Variants in XPO1 observed in about 807,000 individuals in gnomAD.
XPO1 encodes exportin-1.
In XPO1, 5 loss-of-function variants were observed where a neutral mutation model predicts 133.3. That is an observed-to-expected ratio of 0.04 (90% CI 0.02 to 0.08). The LOEUF is 0.08. XPO1 is among the 10% of genes least tolerant of loss of function. XPO1 has a pLI of 1.00. For synonymous variants in XPO1, 419 were observed against 408.2 expected (o/e 1.03, Z -0.32); for missense variants, 506 against 1,267.5 (o/e 0.40, Z 9.12).
chr2:61,525,466 T>C, intron 3 of XPO1: 2 of 1,006,718 alleles, frequency 2.0e-6, no homozygotes, highest in Non-Finnish European at 2.4e-6. Context: ...TCATTTGTAA[T>C]TTATGTAAAT....
intron 2 of XPO1, among the ~76,000 whole-genome samples, chr2:61,529,463 C>A (rs971267441): frequency 2.0e-4 from 30 of 152,124 alleles, no homozygotes; most frequent in Admixed American, 6.5e-4. Flanking sequence ...CAAGACCAGC[C>A]TGGCCAACAT....
chr2:61,498,128 G>A (rs907159890), intron 9 of XPO1, among the ~76,000 whole-genome samples: 3 of 152,078 alleles, frequency 2.0e-5, no homozygotes, highest in South Asian at 2.1e-4. Context: ...ACAGGGTCTC[G>A]CTCTGTTGCC....
chr2:61,491,258 G>T (rs1696968083), intron 16 of XPO1, among the ~76,000 whole-genome samples: 3 of 151,678 alleles, frequency 2.0e-5, no homozygotes, highest in African/African-American at 7.3e-5. Flanking sequence ...GTCAGGAGTT[G>T]GAGATGAGCC....
intron 24 of XPO1, among the ~76,000 whole-genome samples, 175 bp from the exon 25 acceptor site, chr2:61,479,141 A>T (rs1043906160): frequency 6.6e-6 from 1 of 152,134 alleles, no homozygotes; most frequent in African/African-American, 2.4e-5. Flanking sequence ...AATGAACTGC[A>T]AACCTGTTAA....
intron 2 of XPO1, among the ~76,000 whole-genome samples, chr2:61,526,788 A>AC (rs1245374276): frequency 6.6e-6 from 1 of 151,402 alleles, no homozygotes; most frequent in East Asian, 1.9e-4. Flanking sequence ...GCACCCTGCA[A>AC]CCTCTGCCTC....
intron 2 of XPO1, among the ~76,000 whole-genome samples, chr2:61,528,727 TTTTA>T (rs1273348667): frequency 1.8e-5 from 2 of 108,342 alleles, no homozygotes; most frequent in Admixed American, 1.1e-4. Flanking sequence ...CATGTCGACA[TTTTA>T]TTTATATATA....
intron 4 of XPO1, among the ~76,000 whole-genome samples, chr2:61,504,592 T>C (rs2104554958): frequency 6.6e-6 from 1 of 152,336 alleles, no homozygotes; most frequent in South Asian, 2.1e-4. Context: ...TGTAGAGCTG[T>C]ATGTTCCAAG....
rs113311003 is a variant in XPO1, at chr2:61,484,305, G to A, written c.2509-200C>T. 4,479 of 503,946 alleles carry A rather than the reference G, an allele frequency of 8.9e-3. 59 individuals carry two copies. Among genetic ancestry groups the A allele is most frequent in the South Asian group, 0.036 (1,322 of 36,774 alleles). 31.2% of individuals were successfully genotyped at this position (503,946 alleles called of 1,614,324 possible). On this transcript the variant is annotated intron_variant, in intron 20 of 24. Transcript: ENST00000401558. ...AATGAAACTGTCCCGTTACGCACAT[G>A]AGTTATCAAATTGAAGGAGAAAGAC...
intron 18 of XPO1, 75 bp from the exon 19 acceptor site, chr2:61,488,346 C>T (rs1028500145): frequency 7.2e-7 from 1 of 1,388,962 alleles, no homozygotes; most frequent in African/African-American, 1.4e-5. Flanking sequence ...ACATTAGATG[C>T]AATTCCATTT....
chr2:61,516,351 A>T (rs1698389788), intron 4 of XPO1, among the ~76,000 whole-genome samples: 2 of 151,966 alleles, frequency 1.3e-5, no homozygotes, highest in Non-Finnish European at 2.9e-5. Flanking sequence ...CCTTGTAATT[A>T]CGATCTTTCC....
chr2:61,479,093 T>A, intron 24 of XPO1, 127 bp from the exon 25 acceptor site: 1 of 1,085,462 alleles, frequency 9.2e-7, no homozygotes, highest in Non-Finnish European at 1.3e-6. Flanking sequence ...GGCTGGGTTT[T>A]AAATTATAGG....
intron 2 of XPO1, among the ~76,000 whole-genome samples, chr2:61,529,391 C>T (rs1469918928): frequency 6.6e-6 from 1 of 152,158 alleles, no homozygotes; most frequent in Non-Finnish European, 1.5e-5. Context: ...GGCACCGTGG[C>T]TCACGCCTGT....
At chr2:61,505,392 CTTT>C (rs146283651) in intron 4 of XPO1, among the ~76,000 whole-genome samples, 162 of 135,838 alleles carry the variant, frequency 1.2e-3, no homozygotes, top group Middle Eastern at 7.6e-3. Flanking sequence ...AACATTCTCA[CTTT>C]TTTTTTTTTT....
rs772703123 is a variant in XPO1 at position 61,499,823 on chromosome 2, G to A, written c.480C>T (p.Ser160=). Residue 160 remains serine, a synonymous_variant, in exon 7 of 25, where the codon AGC becomes AGT. Transcript: ENST00000401558. ...CCATATTATTTTGACAGAGACTTTCGCTGGTCCTACTTGCTCCAACAATAT... is the reference window on the plus strand; with the variant it reads ...CCATATTATTTTGACAGAGACTTTCACTGGTCCTACTTGCTCCAACAATAT... ...ISDIVGASRT[S]ESLCQNNMVI... is the part of the protein sequence containing the mutation. 2.0e-5 allele frequency: 33 copies of A among 1,613,086 alleles called. No individual in the cohort carries two copies. The highest frequency in any genetic ancestry group is 3.3e-5 in the South Asian group (3 of 90,710).
At position 61,488,631 on chromosome 2, in the gene XPO1, G is replaced by A. The variant is rs184305497; in HGVS notation, c.2163C>T (p.Tyr721=). 186 of 1,613,506 alleles carry A rather than the reference G, an allele frequency of 1.2e-4. No homozygotes were observed. In the East Asian group the frequency reaches 2.1e-3, roughly 18 times the overall value. The change falls in exon 18 of 25, where the codon TAC becomes TAT. Residue 721 remains tyrosine (Y), a synonymous_variant. Coordinates refer to ENST00000401558, the MANE Select transcript of XPO1 (RefSeq NM_003400.4). ...GRIYLDMLNV[Y]KCLSENISAA... ...CAGAAATATTTTCACTGAGGCACTTGTATACATTAAGCATATCTAAATAAA... is the reference window on the plus strand; with the variant it reads ...CAGAAATATTTTCACTGAGGCACTTATATACATTAAGCATATCTAAATAAA...
rs1696145790 is a variant in XPO1, at chr2:61,478,043, T to C, written c.*777A>G. Reference sequence around the variant, plus strand: ...CATCTCAAAAGCCAGAGTTGTTTTGTTTTTTAATGAGTTGTTAAAAAGATG... The same window carrying C: ...CATCTCAAAAGCCAGAGTTGTTTTGCTTTTTAATGAGTTGTTAAAAAGATG... On this transcript the variant is annotated 3_prime_UTR_variant, in exon 25 of 25. Coordinates refer to ENST00000401558, the MANE Select transcript of XPO1 (RefSeq NM_003400.4). 1 of 231,784 alleles carries C rather than the reference T, an allele frequency of 4.3e-6. No individual in the cohort carries two copies. Among genetic ancestry groups the C allele is most frequent in the Non-Finnish European group, 8.6e-6 (1 of 116,800 alleles). The allele number at this position is 231,784 out of a possible 1,614,324, so 14.4% of individuals were successfully genotyped here.
At chr2:61,502,184 T>G in intron 5 of XPO1, 65 bp downstream of exon 5, 1 of 1,574,792 alleles carries the variant, frequency 6.4e-7, no homozygotes, top group Non-Finnish European at 8.7e-7. Context: ...AGAATTAGGT[T>G]GTAGTCAGAC....
At chr2:61,534,923 GA>G (rs1699297406) in intron 1 of XPO1, among the ~76,000 whole-genome samples, 2 of 151,786 alleles carry the variant, frequency 1.3e-5, no homozygotes, top group Admixed American at 6.6e-5. Flanking sequence ...TATGATCTAG[GA>G]AAAAAAACTT....
chr2:61,519,613 G>A (rs1357174154), intron 4 of XPO1, among the ~76,000 whole-genome samples: 2 of 146,996 alleles, frequency 1.4e-5, no homozygotes, highest in East Asian at 3.9e-4. Flanking sequence ...ACAGGAGAAT[G>A]GCATGAACCC....
Sources: allele counts gnomAD v4.1 joint callset (sites outside exome capture counted in the v4.1 genomes callset), GRCh38; gene constraint gnomAD v4.1.1; transcripts MANE v1.5; gene names NCBI Gene and HGNC (gene_info 2026-07-23, HGNC 2026-07-21).